PRUNE2: variants seen among roughly 807,000 people sequenced by gnomAD.
PRUNE2 encodes the protein protein prune homolog 2.
A neutral mutation model predicts 252.0 loss-of-function variants in PRUNE2; 164 were observed. The observed-to-expected ratio is 0.65, with a 90% CI of 0.57 to 0.74. The LOEUF is 0.74. Among genes scored for constraint, PRUNE2 ranks in the 30% least tolerant of loss-of-function variants. The pLI, the probability that PRUNE2 is intolerant of heterozygous loss-of-function variation, is 0.00. For missense variants in PRUNE2, 3,495 were observed against 3,711.0 expected (o/e 0.94, Z 1.51); for synonymous variants, 1,292 against 1,350.2 (o/e 0.96, Z 0.94).
chr9:76,846,352 C>T (rs531210706), intron 4 of PRUNE2, among the ~76,000 whole-genome samples, 163 bp downstream of exon 4: 14 of 152,302 alleles, frequency 9.2e-5, no homozygotes, highest in South Asian at 4.2e-4. Context: ...CAGTATAATG[C>T]TACTCTTTAA....
At chr9:76,882,698 C>A (rs2061858948) in intron 1 of PRUNE2, among the ~76,000 whole-genome samples, 2 of 152,106 alleles carry the variant, frequency 1.3e-5, no homozygotes, top group Admixed American at 1.3e-4. Context: ...AGGAGCCGTA[C>A]CAGGGGATGG....
rs1258229333 is a variant in PRUNE2 at position 76,708,726 on chromosome 9, T to C, written c.3548A>G (p.Asn1183Ser). ...EPWGLEYQEA[N>S]QVDWELPASD... Reference sequence around the variant, plus strand: ...GGCAGGGAGCTCCCAATCTACCTGATTTGCTTCCTGATACTCCAAGCCCCA... The same window carrying C: ...GGCAGGGAGCTCCCAATCTACCTGACTTGCTTCCTGATACTCCAAGCCCCA... Residue 1183 changes from asparagine (N) to serine (S), a missense_variant, in exon 8 of 19, where the codon AAT (asparagine) becomes AGT (serine). Coordinates refer to ENST00000376718, the MANE Select transcript of PRUNE2 (RefSeq NM_015225.3). 3.7e-6 allele frequency: 6 copies of C among 1,613,984 alleles called. No homozygotes were observed. In the Admixed American group the frequency reaches 6.7e-5, roughly 18 times the overall value.
At chr9:76,859,434 A>G (rs984568507) in intron 1 of PRUNE2, among the ~76,000 whole-genome samples, 7 of 152,116 alleles carry the variant, frequency 4.6e-5, no homozygotes, top group Non-Finnish European at 7.4e-5. Flanking sequence ...GGGCCCTCCT[A>G]TAAGCCTAGG....
chr9:76,712,561 T>C (rs1022541135), intron 7 of PRUNE2, among the ~76,000 whole-genome samples: 1 of 152,318 alleles, frequency 6.6e-6, no homozygotes, highest in South Asian at 2.1e-4. Context: ...GCTCTTCTAC[T>C]TTTGTCTGTT....
At chr9:76,793,843 C>A (rs1459125877) in intron 6 of PRUNE2, among the ~76,000 whole-genome samples, 1 of 152,132 alleles carries the variant, frequency 6.6e-6, no homozygotes, top group Non-Finnish European at 1.5e-5. Flanking sequence ...GAATCCCAGT[C>A]TTTTAATTCC....
At position 76,846,655 on chromosome 9, in the gene PRUNE2, G is replaced by A. The variant is rs1226699704; in HGVS notation, c.368C>T (p.Ala123Val). The change falls in exon 4 of 19, where the codon GCA (alanine) becomes GTA (valine). Residue 123 changes from alanine (A) to valine (V), a missense_variant. By Grantham distance (64) the Ala-to-Val change is moderately conservative. Coordinates refer to ENST00000376718, the MANE Select transcript of PRUNE2 (RefSeq NM_015225.3). Reference sequence around the variant, plus strand: ...AACCGGATTAATGACTTTGACAACTGCTGATTCTAAAGTTTTGTCTTCACT... The same window carrying A: ...AACCGGATTAATGACTTTGACAACTACTGATTCTAAAGTTTTGTCTTCACT... ...LASEDKTLES[A>V]VVKVINPVEQ... The A allele has an allele frequency of 6.2e-7, 1 of 1,613,752 alleles. No individual in the cohort carries two copies. The highest frequency in any genetic ancestry group is 1.3e-5 in the African/African-American group (1 of 74,920).
At chr9:76,905,895 G>T in intron 1 of PRUNE2, 33 bp downstream of exon 1, 1 of 1,613,808 alleles carries the variant, frequency 6.2e-7, no homozygotes. Context: ...ATACGCGCGC[G>T]CGCACACACA....
intron 1 of PRUNE2, among the ~76,000 whole-genome samples, chr9:76,872,643 A>ACACACACACACACC (rs1554820935): frequency 4.8e-5 from 7 of 147,004 alleles, no homozygotes; most frequent in African/African-American, 1.5e-4. Context: ...ACACACACAC[A>ACACACACACACACC]CCCTCACACC....
At chr9:76,667,430 T>C (rs893269434) in intron 9 of PRUNE2, among the ~76,000 whole-genome samples, 1 of 152,240 alleles carries the variant, frequency 6.6e-6, no homozygotes, top group African/African-American at 2.4e-5. Flanking sequence ...TCCTGCCATC[T>C]GCAGCCCCCA....
chr9:76,798,342 G>A (rs1343359520), intron 6 of PRUNE2, among the ~76,000 whole-genome samples: 2 of 152,094 alleles, frequency 1.3e-5, no homozygotes, highest in Non-Finnish European at 2.9e-5. Flanking sequence ...CTGTCTTTAT[G>A]AATTTGACTA....
chr9:76,696,000 T>G (rs1441640101), intron 9 of PRUNE2, among the ~76,000 whole-genome samples: 1 of 152,160 alleles, frequency 6.6e-6, no homozygotes, highest in African/African-American at 2.4e-5. Context: ...TGGATAACCC[T>G]GTGTGGCGGG....
intron 9 of PRUNE2, among the ~76,000 whole-genome samples, chr9:76,691,634 A>T (rs1375364803): frequency 1.3e-5 from 2 of 152,354 alleles, no homozygotes; most frequent in East Asian, 1.9e-4. Flanking sequence ...TAACATTTAA[A>T]AAATGCCTCT....
chr9:76,650,300 C>T (rs1180462445), intron 11 of PRUNE2, among the ~76,000 whole-genome samples: 7 of 148,474 alleles, frequency 4.7e-5, no homozygotes, highest in African/African-American at 1.5e-4. Context: ...TATAATGAAA[C>T]ATATATAATG....
intron 4 of PRUNE2, among the ~76,000 whole-genome samples, chr9:76,838,382 T>C (rs1310013060): frequency 2.6e-5 from 4 of 151,984 alleles, no homozygotes; most frequent in Non-Finnish European, 4.4e-5. Context: ...TGGTGGCTCA[T>C]GTCTGTAATC....
At chr9:76,848,354 C>A (rs985284350) in intron 3 of PRUNE2, among the ~76,000 whole-genome samples, 1 of 152,164 alleles carries the variant, frequency 6.6e-6, no homozygotes, top group African/African-American at 2.4e-5. Flanking sequence ...AAATAAACTA[C>A]CCGGAACTTT....
In PRUNE2 at chr9:76,805,638, T is replaced by C. The variant is rs982944419; in HGVS notation, c.756+17994A>G. Among the ~76,000 whole-genome samples, 12 of 152,162 alleles carry C rather than the reference T, an allele frequency of 7.9e-5. 1 individual carries two copies. The highest frequency in any genetic ancestry group is 6.5e-4 in the Admixed American group (10 of 15,278). The stretch of plus-strand genomic sequence containing the variant: ...AAACATAAAAATTCTGGTGTGCTAT[T>C]GTACAGCAGTAGCTAAAGAAACACG... On this transcript the variant is annotated intron_variant, in intron 6 of 18. Transcript: ENST00000376718.
intron 6 of PRUNE2, among the ~76,000 whole-genome samples, chr9:76,772,000 T>A (rs547899327): frequency 6.6e-6 from 1 of 152,306 alleles, no homozygotes; most frequent in East Asian, 1.9e-4. Flanking sequence ...TACAGCAAAT[T>A]TGCCTATACG....
At chr9:76,666,347 G>C (rs1276155759) in intron 9 of PRUNE2, among the ~76,000 whole-genome samples, 2 of 152,226 alleles carry the variant, frequency 1.3e-5, no homozygotes, top group Non-Finnish European at 2.9e-5. Flanking sequence ...AGTCAGGCTT[G>C]CCCGCAGTTA....
At chr9:76,683,871 C>CA (rs2043770050) in intron 9 of PRUNE2, among the ~76,000 whole-genome samples, 1 of 151,134 alleles carries the variant, frequency 6.6e-6, no homozygotes, top group Non-Finnish European at 1.5e-5. Flanking sequence ...TACATATATA[C>CA]ACATATGTAT....
Sources: allele counts gnomAD v4.1 joint callset (sites outside exome capture counted in the v4.1 genomes callset), GRCh38; gene constraint gnomAD v4.1.1; transcripts MANE v1.5; gene names NCBI Gene and HGNC (gene_info 2026-07-23, HGNC 2026-07-21).